SYTL2: variants seen among roughly 807,000 people sequenced by gnomAD.
SYTL2 encodes synaptotagmin-like protein 2.
In SYTL2, 165 loss-of-function variants were observed where a neutral mutation model predicts 198.7. The ratio of observed to expected loss-of-function variants is 0.83; its 90% CI spans 0.73 to 0.94. The LOEUF is 0.94. Ranked by LOEUF, SYTL2 falls within the 40% of genes least tolerant of loss-of-function variation. The pLI is 0.00. For synonymous variants in SYTL2, 966 were observed against 917.7 expected (o/e 1.05, Z -0.95); for missense variants, 2,835 against 2,582.8 (o/e 1.10, Z -2.12).
chr11:85,838,352 G>A, the SYTL2 span, among the ~76,000 whole-genome samples: 2 of 152,176 alleles, frequency 1.3e-5, no homozygotes, highest in South Asian at 2.1e-4. Flanking sequence ...TTTCTCTGGA[G>A]ATATAGATAT....
At position 85,727,299 on chromosome 11, in the gene SYTL2, T is replaced by C. The variant is rs2089308582; in HGVS notation, c.2059A>G (p.Thr687Ala). 1.3e-6 allele frequency: 2 copies of C among 1,535,600 alleles called. No individual in the cohort carries two copies. The highest frequency in any genetic ancestry group is 2.7e-5 in the African/African-American group (2 of 72,974). ...SDAENQVPCN[T>A]NNIGNLGEEE... is the part of the protein sequence containing the mutation. The stretch of plus-strand genomic sequence containing the variant: ...TCACCCAAGTTGCCAATATTATTAG[T>C]GTTGCATGGAACTTGGTTTTCTGCA... The change falls in exon 8 of 20, where the codon ACT (threonine) becomes GCT (alanine). Residue 687 changes from threonine to alanine, a missense_variant. This residue lies in a region of SYTL2 where 2,645 missense variants were observed against 2,381.7 expected (regional missense o/e 1.11). Transcript: ENST00000359152.
Position 85,734,359 on chromosome 11 carries a change from G to A in SYTL2, c.970C>T (p.Pro324Ser), listed in dbSNP as rs765465082. The change falls in exon 7 of 20, where the codon CCA becomes TCA. Residue 324 changes from proline to serine, a missense_variant. By Grantham distance (74) the Pro-to-Ser change is moderately conservative (BLOSUM62 -1). Around this residue, in one of 3 missense-constraint regions of SYTL2, gnomAD observed 2,645 missense variants for 2,381.7 expected, o/e 1.11. Coordinates refer to ENST00000359152, the MANE Select transcript of SYTL2 (RefSeq NM_206927.4). Reference protein sequence around the residue: ...KEHSLEDNSSPNSLEPLKHVR... With the variant: ...KEHSLEDNSSSNSLEPLKHVR... The stretch of plus-strand genomic sequence containing the variant: ...TGCTTTAATGGCTCCAGGGAGTTTG[G>A]GGAAGAGTTGTCTTCTAAAGAATGC... The A allele has an allele frequency of 5.6e-6, 9 of 1,614,026 alleles. No individual in the cohort carries two copies. Among genetic ancestry groups the A allele is most frequent in the African/African-American group, 1.3e-5 (1 of 74,916 alleles).
In SYTL2 at chr11:85,745,681, G is replaced by A. The variant is rs752594764; in HGVS notation, c.345C>T (p.Gly115=). The part of the protein sequence containing the change: ...KDAFLPPELA[G]VVEEPEEDAA... Reference sequence around the variant, plus strand: ...CATCTTCTTCTGGCTCTTCTACAACGCCAGCCAGCTCTGGAGGAAGGAAAG... The same window carrying A: ...CATCTTCTTCTGGCTCTTCTACAACACCAGCCAGCTCTGGAGGAAGGAAAG... Residue 115 remains glycine, a synonymous_variant, in exon 4 of 20, where the codon GGC becomes GGT. Transcript: ENST00000359152. 22 of 1,613,562 alleles carry A rather than the reference G, an allele frequency of 1.4e-5. No homozygotes were observed. The highest frequency in any genetic ancestry group is 7.7e-5 in the South Asian group (7 of 91,052).
the SYTL2 span, among the ~76,000 whole-genome samples, chr11:85,848,923 C>T: frequency 2.6e-5 from 4 of 151,964 alleles, no homozygotes; most frequent in Non-Finnish European, 5.9e-5. Context: ...TATCTTTTTG[C>T]CAGAATTCTG....
chr11:85,709,575 C>T (rs956550992), intron 13 of SYTL2, 75 bp from the exon 14 acceptor site: 3 of 1,371,614 alleles, frequency 2.2e-6, no homozygotes, highest in Non-Finnish European at 3.1e-6. Flanking sequence ...TGGATATAAT[C>T]CCTGCTGGCA....
At chr11:85,825,890 C>T in the SYTL2 span, among the ~76,000 whole-genome samples, 720 of 152,198 alleles carry the variant, frequency 4.7e-3, 8 homozygotes, top group African/African-American at 0.017. Flanking sequence ...AATTAAGCAA[C>T]GGAAATATTA....
At chr11:85,738,802 T>C (rs1156285512) in intron 4 of SYTL2, among the ~76,000 whole-genome samples, 1 of 152,170 alleles carries the variant, frequency 6.6e-6, no homozygotes, top group Non-Finnish European at 1.5e-5. Flanking sequence ...CTGAGCCAAG[T>C]GCTGATGGTT....
At position 85,737,604 on chromosome 11, in the gene SYTL2, T is replaced by G; in HGVS notation, c.442A>C (p.Thr148Pro). 6.2e-7 allele frequency: 1 copy of G among 1,614,060 alleles called. No individual in the cohort carries two copies. The highest frequency in any genetic ancestry group is 8.5e-7 in the Non-Finnish European group (1 of 1,179,898). The change falls in exon 5 of 20, where the codon ACA becomes CCA. Residue 148 changes from threonine (T) to proline (P), a missense_variant. This residue lies in a region of SYTL2 where 2,645 missense variants were observed against 2,381.7 expected (regional missense o/e 1.11). Coordinates refer to ENST00000359152, the MANE Select transcript of SYTL2 (RefSeq NM_206927.4). ...SSVIDMSQEN[T>P]RKPNVSPEKQ... ...TCTGGAGACACATTTGGTTTCCTTG[T>G]GTTTTCCTGGGACATATCAATCACA...
intron 3 of SYTL2, among the ~76,000 whole-genome samples, chr11:85,747,931 T>C (rs965569397): frequency 2.0e-5 from 3 of 152,226 alleles, no homozygotes; most frequent in African/African-American, 7.2e-5. Context: ...GATATCTTTT[T>C]GTCTAAGCCC....
chr11:85,723,502 G>C (rs375048766), intron 8 of SYTL2, among the ~76,000 whole-genome samples: 1 of 152,172 alleles, frequency 6.6e-6, no homozygotes, highest in African/African-American at 2.4e-5. Context: ...CTCCCGAATG[G>C]GAAATTTGTG....
At chr11:85,826,469 T>C in the SYTL2 span, among the ~76,000 whole-genome samples, 3 of 152,288 alleles carry the variant, frequency 2.0e-5, no homozygotes, top group East Asian at 5.8e-4. Flanking sequence ...TGAGCAAAGG[T>C]TGAATTTCAG....
chr11:85,786,157 C>G (rs1471289328), intron 1 of SYTL2, among the ~76,000 whole-genome samples: 1 of 152,070 alleles, frequency 6.6e-6, no homozygotes, highest in African/African-American at 2.4e-5. Context: ...CCTAAAAGGC[C>G]ACTACTGCAT....
intron 2 of SYTL2, among the ~76,000 whole-genome samples, chr11:85,756,307 AC>A (rs1392603859): frequency 6.6e-6 from 1 of 152,108 alleles, no homozygotes; most frequent in Non-Finnish European, 1.5e-5. Context: ...ATTGCAAGGG[AC>A]CTTTGAGGAA....
chr11:85,724,209 G>A lies in SYTL2; in HGVS notation c.5149C>T (p.Gln1717Ter). The stretch of plus-strand genomic sequence containing the variant: ...TTGTTCATCAGGAGAGGAATGGGTT[G>A]CCTATTTCTGGACACACTAATTGCT... ...SEAISVSRNR[Q>*]PIPLLMNKEN... is the part of the protein sequence containing the mutation. The change falls in exon 8 of 20, where the codon CAA becomes TAA. Residue 1717 changes from glutamine to a stop codon, truncating the protein, a stop_gained. Coordinates refer to ENST00000359152, the MANE Select transcript of SYTL2 (RefSeq NM_206927.4). LOFTEE classifies it high-confidence loss of function. 3.8e-6 allele frequency: 6 copies of A among 1,590,814 alleles called. No homozygotes were observed. The highest frequency in any genetic ancestry group is 5.1e-6 in the Non-Finnish European group (6 of 1,173,066).
At chr11:85,806,902 C>T (rs1325607491) in intron 1 of SYTL2, among the ~76,000 whole-genome samples, 2 of 152,246 alleles carry the variant, frequency 1.3e-5, no homozygotes, top group East Asian at 3.8e-4. Flanking sequence ...CACAGATTGT[C>T]TTTGCCAGAT....
chr11:85,724,205 G>GA lies in SYTL2; in HGVS notation c.5152_5153insT (p.Pro1718LeufsTer16), dbSNP rs2088788000. Reference sequence around the variant, plus strand: ...TTCTTTGTTCATCAGGAGAGGAATGGGTTGCCTATTTCTGGACACACTAAT... The same window carrying GA: ...TTCTTTGTTCATCAGGAGAGGAATGGAGTTGCCTATTTCTGGACACACTAAT... On this transcript the variant is annotated frameshift_variant, in exon 8 of 20. Transcript: ENST00000359152. LOFTEE classifies it high-confidence loss of function. 6.3e-7 allele frequency: 1 copy of GA among 1,594,626 alleles called. No individual in the cohort carries two copies. Among genetic ancestry groups the GA allele is most frequent in the African/African-American group, 1.4e-5 (1 of 73,470 alleles).
In SYTL2 at chr11:85,719,051, T is replaced by A; in HGVS notation, c.5429-208A>T. 2.0e-6 allele frequency: 3 copies of A among 1,515,570 alleles called. No individual in the cohort carries two copies. In the South Asian group the frequency reaches 3.6e-5, roughly 18 times the overall value. The allele number at this position is 1,515,570 out of a possible 1,614,324, so 93.9% of individuals were successfully genotyped here. A position where few individuals can be genotyped will look rare whatever the true frequency, so the allele number is the denominator to read the frequency against. ...GCGGGAGCTCCCATTTCAGCCCGGA[T>A]GCAGCTCACATCACTGCTGCACACA... On this transcript the variant is annotated intron_variant, in intron 9 of 19. Coordinates refer to ENST00000359152, the MANE Select transcript of SYTL2 (RefSeq NM_206927.4).
chr11:85,809,814 C>T (rs900447921), intron 1 of SYTL2, among the ~76,000 whole-genome samples: 5 of 152,324 alleles, frequency 3.3e-5, no homozygotes, highest in Non-Finnish European at 7.3e-5. Context: ...TTGATGGGTT[C>T]TGCAATCTGA....
chr11:85,776,044 T>C (rs940511060), intron 1 of SYTL2, among the ~76,000 whole-genome samples: 1 of 152,214 alleles, frequency 6.6e-6, no homozygotes, highest in African/African-American at 2.4e-5. Flanking sequence ...CTTCAGAAGA[T>C]GAGTGAGTCC....
Sources: gnomAD v4.1 joint callset for allele counts (sites outside exome capture counted in the v4.1 genomes callset) on GRCh38, gnomAD v4.1.1 for gene constraint, gnomAD v4.1.1 regional missense constraint, MANE v1.5 for transcripts, NCBI Gene and HGNC (gene_info 2026-07-23, HGNC 2026-07-21) for gene names.